Variants in CFAP95 observed in about 807,000 individuals in gnomAD.
CFAP95 encodes cilia- and flagella-associated protein 95.
chr9:69,904,185 G>C, the CFAP95 span, among the ~76,000 whole-genome samples: 2 of 152,120 alleles, frequency 1.3e-5, no homozygotes, highest in Admixed American at 6.5e-5. Flanking sequence ...AGGAAACTCA[G>C]TATCTATTAA....
the CFAP95 span, among the ~76,000 whole-genome samples, chr9:69,853,031 T>A: frequency 6.6e-6 from 1 of 152,284 alleles, no homozygotes; most frequent in South Asian, 2.1e-4. Flanking sequence ...GGGTATGTCT[T>A]TATCAGCAGC....
the CFAP95 span, chr9:69,820,876 T>C: frequency 5.2e-4 from 846 of 1,613,798 alleles, 3 homozygotes; most frequent in African/African-American, 9.3e-3. Context: ...CCTCGAGGGC[T>C]CCCATGGATA....
At chr9:69,864,375 T>A in the CFAP95 span, among the ~76,000 whole-genome samples, 1 of 151,932 alleles carries the variant, frequency 6.6e-6, no homozygotes, top group Admixed American at 6.6e-5. Context: ...AAGAACATGG[T>A]ATAGAAAAAT....
chr9:69,873,851 T>G, the CFAP95 span, among the ~76,000 whole-genome samples: 1 of 152,226 alleles, frequency 6.6e-6, no homozygotes, highest in Admixed American at 6.5e-5. Context: ...GTACATCATC[T>G]TGTCATCCAG....
chr9:69,850,907 A>G, the CFAP95 span, among the ~76,000 whole-genome samples: 4 of 152,118 alleles, frequency 2.6e-5, no homozygotes, highest in African/African-American at 7.2e-5. Flanking sequence ...TTCCGTATCA[A>G]TTTTGGCCCA....
the CFAP95 span, among the ~76,000 whole-genome samples, chr9:69,883,390 G>T: frequency 6.6e-6 from 1 of 152,168 alleles, no homozygotes; most frequent in Non-Finnish European, 1.5e-5. Flanking sequence ...ACATCTCTCT[G>T]GTTGGGGAGG....
the CFAP95 span, among the ~76,000 whole-genome samples, chr9:69,887,972 C>T: frequency 1.3e-5 from 2 of 152,048 alleles, no homozygotes; most frequent in African/African-American, 4.8e-5. Flanking sequence ...CCTTGAGGAT[C>T]CAAAAGAAGA....
At chr9:69,898,119 G>GA in the CFAP95 span, among the ~76,000 whole-genome samples, 18,041 of 152,032 alleles carry the variant, frequency 0.12, 1,245 homozygotes, top group East Asian at 0.29. Flanking sequence ...ACCCTTCACT[G>GA]AAAATGCACC....
chr9:69,851,055 C>T, the CFAP95 span, among the ~76,000 whole-genome samples: 1 of 152,160 alleles, frequency 6.6e-6, no homozygotes, highest in South Asian at 2.1e-4. Flanking sequence ...CTTTCATTTG[C>T]TGCTCCTTTT....
chr9:69,872,757 G>C, the CFAP95 span, among the ~76,000 whole-genome samples: 1 of 152,146 alleles, frequency 6.6e-6, no homozygotes, highest in Admixed American at 6.6e-5. Context: ...GGTTGAGGTG[G>C]GAGGATCAAT....
chr9:69,896,124 C>A, the CFAP95 span, among the ~76,000 whole-genome samples: 1 of 152,132 alleles, frequency 6.6e-6, no homozygotes, highest in East Asian at 1.9e-4. Context: ...ATTGAGAAGC[C>A]TAGGCCTCAA....
chr9:69,898,996 T>C, the CFAP95 span, among the ~76,000 whole-genome samples: 1 of 152,184 alleles, frequency 6.6e-6, no homozygotes, highest in Non-Finnish European at 1.5e-5. Context: ...GCTGTGTAAG[T>C]CCTTTATGTT....
At chr9:69,846,175 T>G in the CFAP95 span, among the ~76,000 whole-genome samples, 1 of 152,328 alleles carries the variant, frequency 6.6e-6, no homozygotes, top group East Asian at 1.9e-4. Flanking sequence ...CATTTTTGAT[T>G]CCTATATAGA....
the CFAP95 span, among the ~76,000 whole-genome samples, chr9:69,846,009 C>T: frequency 6.6e-6 from 1 of 152,194 alleles, no homozygotes; most frequent in Admixed American, 6.5e-5. Context: ...CTTCACCTTG[C>T]TTTCTTCAGC....
At chr9:69,870,784 G>A in the CFAP95 span, among the ~76,000 whole-genome samples, 1 of 152,192 alleles carries the variant, frequency 6.6e-6, no homozygotes, top group Non-Finnish European at 1.5e-5. Flanking sequence ...GGATGCAAGG[G>A]AGCACTGAAT....
the CFAP95 span, among the ~76,000 whole-genome samples, chr9:69,829,985 C>T: frequency 5.3e-5 from 8 of 152,156 alleles, no homozygotes; most frequent in Non-Finnish European, 1.0e-4. Flanking sequence ...CAGGATATTC[C>T]TGGATGATTG....
chr9:69,898,015 C>A, the CFAP95 span, among the ~76,000 whole-genome samples: 1 of 152,166 alleles, frequency 6.6e-6, no homozygotes, highest in African/African-American at 2.4e-5. Flanking sequence ...CCAGTGCTTC[C>A]TGTTTTGGCA....
the CFAP95 span, among the ~76,000 whole-genome samples, chr9:69,876,585 T>G: frequency 7.9e-5 from 12 of 152,084 alleles, no homozygotes; most frequent in African/African-American, 2.9e-4. Flanking sequence ...TTAATCCTCT[T>G]TTGGTTAGAT....
the CFAP95 span, among the ~76,000 whole-genome samples, chr9:69,869,499 T>G: frequency 1.3e-5 from 2 of 152,148 alleles, no homozygotes; most frequent in Non-Finnish European, 2.9e-5. Context: ...GTTTCAGTCA[T>G]GCAAGATGAA....
Sources: gnomAD v4.1 joint callset for allele counts (sites outside exome capture counted in the v4.1 genomes callset) on GRCh38, gnomAD v4.1.1 for gene constraint, MANE v1.5 for transcripts, NCBI Gene and HGNC (gene_info 2026-07-23, HGNC 2026-07-21) for gene names.